SLC39A11: variants seen among roughly 807,000 people sequenced by gnomAD.
The protein encoded by SLC39A11 is solute carrier family 39 member 11.
SLC39A11 carries 33 observed loss-of-function variants against 36.1 expected under a neutral mutation model. The ratio of observed to expected loss-of-function variants is 0.91; its 90% CI spans 0.69 to 1.22. SLC39A11 has a LOEUF of 1.22. SLC39A11 is among the 50% of genes most tolerant of loss of function. The pLI, the probability that SLC39A11 is intolerant of heterozygous loss-of-function variation, is 0.00. For missense variants in SLC39A11, 432 were observed against 430.3 expected, an observed-to-expected ratio of 1.00 and a Z score of -0.03; for synonymous variants, 166 against 170.3, an observed-to-expected ratio of 0.97 and a Z score of 0.20.
chr17:73,003,862 G>A (rs1334409713), intron 4 of SLC39A11, among the ~76,000 whole-genome samples: 1 of 152,122 alleles, frequency 6.6e-6, no homozygotes, highest in Non-Finnish European at 1.5e-5. Context: ...GAAGCGGGTG[G>A]ATCACCCGAG....
intron 7 of SLC39A11, among the ~76,000 whole-genome samples, chr17:72,721,541 C>T (rs766604742): frequency 1.3e-5 from 2 of 152,288 alleles, no homozygotes; most frequent in Non-Finnish European, 2.9e-5. Flanking sequence ...CAGGACTGGG[C>T]ACACAACAAG....
intron 6 of SLC39A11, chr17:72,838,161 G>T (rs1334466369): frequency 1.2e-5 from 5 of 402,600 alleles, no homozygotes; most frequent in Non-Finnish European, 2.2e-5. Flanking sequence ...AAAAGATAGT[G>T]ATGGTGGTTG....
intron 7 of SLC39A11, among the ~76,000 whole-genome samples, chr17:72,726,509 T>TAC (rs141001121): frequency 1.3e-5 from 2 of 151,802 alleles, no homozygotes; most frequent in Non-Finnish European, 2.9e-5. Context: ...AGATCCTGTC[T>TAC]ACACACACAC....
chr17:73,028,357 G>A (rs1056821438), intron 4 of SLC39A11, among the ~76,000 whole-genome samples: 4 of 152,264 alleles, frequency 2.6e-5, no homozygotes, highest in East Asian at 1.9e-4. Flanking sequence ...GAGCATCTTC[G>A]ATAGATCCAA....
rs201299384 is a variant in SLC39A11 at position 72,963,271 on chromosome 17, C to T, written c.307-15396G>A. On this transcript the variant is annotated intron_variant, in intron 4 of 9. Coordinates refer to ENST00000255559, the MANE Select transcript of SLC39A11 (RefSeq NM_139177.4). Reference sequence around the variant, plus strand: ...CTGCAAGCTCCGCCTCCCGGGTTCACGCCATTCTCCTTCCTCAGCCTCCAG... The same window carrying T: ...CTGCAAGCTCCGCCTCCCGGGTTCATGCCATTCTCCTTCCTCAGCCTCCAG... Among the ~76,000 whole-genome samples the T allele has an allele frequency of 8.1e-5, 12 of 148,386 alleles. No homozygotes were observed. The East Asian group carries it at 1.6e-3, about 20-fold the overall frequency.
At chr17:73,086,913 G>A (rs758065029) in intron 2 of SLC39A11, among the ~76,000 whole-genome samples, 42 of 152,056 alleles carry the variant, frequency 2.8e-4, no homozygotes, top group Non-Finnish European at 5.6e-4. Context: ...AAAATTAGCT[G>A]AGCGTGGTGG....
intron 6 of SLC39A11, among the ~76,000 whole-genome samples, chr17:72,782,223 T>C (rs1428848962): frequency 6.6e-6 from 1 of 152,088 alleles, no homozygotes; most frequent in Non-Finnish European, 1.5e-5. Flanking sequence ...GATGCAGCTA[T>C]GAGCCAAGAA....
intron 5 of SLC39A11, among the ~76,000 whole-genome samples, chr17:72,910,497 G>A (rs996681519): frequency 2.6e-5 from 4 of 151,538 alleles, no homozygotes; most frequent in African/African-American, 4.8e-5. Flanking sequence ...GGTGGCATGC[G>A]CCTATAATCC....
chr17:72,795,794 G>T (rs1224724318), intron 6 of SLC39A11, among the ~76,000 whole-genome samples: 1 of 152,102 alleles, frequency 6.6e-6, no homozygotes, highest in African/African-American at 2.4e-5. Context: ...TGTGTAATCT[G>T]CAGGGTACTA....
chr17:72,694,496 C>T (rs992159009), intron 7 of SLC39A11, among the ~76,000 whole-genome samples: 2 of 152,244 alleles, frequency 1.3e-5, no homozygotes, highest in Non-Finnish European at 2.9e-5. Context: ...CGCCACTGTG[C>T]AGCTGTCTGC....
chr17:72,857,174 C>T (rs2079690838), intron 5 of SLC39A11, among the ~76,000 whole-genome samples: 2 of 152,268 alleles, frequency 1.3e-5, no homozygotes, highest in South Asian at 2.1e-4. Context: ...CTGTTGTTCC[C>T]TTCTCTGTGT....
At chr17:72,941,998 A>T (rs1219012121) in intron 5 of SLC39A11, among the ~76,000 whole-genome samples, 1 of 151,762 alleles carries the variant, frequency 6.6e-6, no homozygotes, top group Non-Finnish European at 1.5e-5. Flanking sequence ...CTCCTGCCTC[A>T]GCCTCCCAAG....
intron 7 of SLC39A11, among the ~76,000 whole-genome samples, chr17:72,713,878 A>G (rs1228512080): frequency 6.6e-6 from 1 of 152,182 alleles, no homozygotes; most frequent in Non-Finnish European, 1.5e-5. Flanking sequence ...CCCTGGAGCC[A>G]TTCATAGGCC....
chr17:72,734,748 T>C (rs2143939491), intron 7 of SLC39A11, among the ~76,000 whole-genome samples: 1 of 152,360 alleles, frequency 6.6e-6, no homozygotes, highest in African/African-American at 2.4e-5. Flanking sequence ...GCCTGGCCTG[T>C]GAGTTCCATG....
At chr17:73,077,341 G>C (rs1599171138) in intron 3 of SLC39A11, among the ~76,000 whole-genome samples, 1 of 152,324 alleles carries the variant, frequency 6.6e-6, no homozygotes, top group Middle Eastern at 3.4e-3. Flanking sequence ...TTTTGGGAGT[G>C]GGTTTCACTC....
At chr17:72,931,315 G>A (rs371466776) in intron 5 of SLC39A11, among the ~76,000 whole-genome samples, 8 of 152,328 alleles carry the variant, frequency 5.3e-5, no homozygotes, top group Admixed American at 2.0e-4. Context: ...CTGCAGAAGC[G>A]AGAGGAAAAG....
Position 73,003,497 on chromosome 17 carries a change from A to G in SLC39A11, c.306+28059T>C, listed in dbSNP as rs560527292. Among the ~76,000 whole-genome samples, 72 of 152,310 alleles carry G rather than the reference A, an allele frequency of 4.7e-4. 2 individuals are homozygous for G. ...CTAGCACCTGTTTTAGAGAGGAGGC[A>G]GACAAGACCCCAGGCTAGGATGAGA... On this transcript the variant is annotated intron_variant, in intron 4 of 9. Transcript: ENST00000255559.
intron 7 of SLC39A11, among the ~76,000 whole-genome samples, chr17:72,711,730 A>G (rs1001796546): frequency 5.3e-5 from 8 of 152,202 alleles, no homozygotes; most frequent in African/African-American, 1.9e-4. Context: ...GGAGATTCCC[A>G]TCAGGTTGAG....
chr17:72,945,241 G>A (rs1022339659), intron 5 of SLC39A11, among the ~76,000 whole-genome samples: 16 of 152,174 alleles, frequency 1.1e-4, no homozygotes, highest in African/African-American at 1.9e-4. Context: ...TCAGGCTGCC[G>A]TCACTGCTGC....
Sources: gnomAD v4.1 joint callset for allele counts (sites outside exome capture counted in the v4.1 genomes callset) on GRCh38, gnomAD v4.1.1 for gene constraint, MANE v1.5 for transcripts, NCBI Gene and HGNC (gene_info 2026-07-23, HGNC 2026-07-21) for gene names.